The following FGF1 variants were observed in gnomAD, a reference collection of about 807,000 sequenced individuals.
FGF1 encodes beta-endothelial cell growth factor.
In FGF1, 9 loss-of-function variants were observed where a neutral mutation model predicts 13.4. The ratio of observed to expected loss-of-function variants is 0.67; its 90% CI spans 0.40 to 1.17. The LOEUF is 1.17. FGF1 is among the 50% of genes most tolerant of loss of function. The pLI is 0.01. For missense variants in FGF1, 156 were observed against 192.7 expected (o/e 0.81, Z 1.13); for synonymous variants, 93 against 79.0 (o/e 1.18, Z -0.94).
intron 2 of FGF1, among the ~76,000 whole-genome samples, chr5:142,609,632 T>G (rs1036978985): frequency 2.0e-5 from 3 of 152,204 alleles, no homozygotes; most frequent in Admixed American, 6.5e-5. Context: ...CACCCTCAGT[T>G]CTGCGAGCAA....
intron 2 of FGF1, among the ~76,000 whole-genome samples, chr5:142,610,228 T>A (rs1377260142): frequency 6.6e-6 from 1 of 152,208 alleles, no homozygotes; most frequent in African/African-American, 2.4e-5. Context: ...TATTGTTGAC[T>A]TTGAATTTAG....
At chr5:142,669,223 T>C (rs1239999653) in intron 1 of FGF1, among the ~76,000 whole-genome samples, 1 of 152,188 alleles carries the variant, frequency 6.6e-6, no homozygotes, top group East Asian at 1.9e-4. Context: ...AGAAGGGAAT[T>C]TGGAAATTCT....
At chr5:142,651,998 A>G (rs1597334428) in intron 1 of FGF1, among the ~76,000 whole-genome samples, 1 of 152,184 alleles carries the variant, frequency 6.6e-6, no homozygotes, top group Admixed American at 6.5e-5. Flanking sequence ...CATGCGCTCT[A>G]TTAAATGCCT....
intron 1 of FGF1, among the ~76,000 whole-genome samples, chr5:142,657,678 C>A (rs1362124799): frequency 6.6e-6 from 1 of 152,256 alleles, no homozygotes; most frequent in Non-Finnish European, 1.5e-5. Flanking sequence ...GCTGCGGCTG[C>A]GGCCGAGTGT....
chr5:142,678,587 A>T (rs371688778), intron 1 of FGF1, among the ~76,000 whole-genome samples: 19 of 151,866 alleles, frequency 1.3e-4, no homozygotes, highest in African/African-American at 4.1e-4. Flanking sequence ...GTCTCCACCC[A>T]TTCTCTCCCC....
At chr5:142,680,166 C>G (rs1040458260) in intron 1 of FGF1, 1 of 152,202 alleles carries the variant, frequency 6.6e-6, no homozygotes, top group Non-Finnish European at 1.5e-5. Context: ...AATAAGGTTG[C>G]ATTCTCGGGC....
At chr5:142,650,030 A>C (rs1462971510) in intron 1 of FGF1, among the ~76,000 whole-genome samples, 1 of 152,194 alleles carries the variant, frequency 6.6e-6, no homozygotes, top group Non-Finnish European at 1.5e-5. Flanking sequence ...GCCCCACCTC[A>C]GCTCTAGTGA....
chr5:142,695,262 T>A (rs969412723), intron 2 of FGF1, among the ~76,000 whole-genome samples: 1 of 152,178 alleles, frequency 6.6e-6, no homozygotes, highest in Non-Finnish European at 1.5e-5. Flanking sequence ...AGTTATTATA[T>A]TACTTCTAAA....
intron 1 of FGF1, among the ~76,000 whole-genome samples, chr5:142,626,077 T>G (rs1213655864): frequency 6.6e-6 from 1 of 152,244 alleles, no homozygotes; most frequent in African/African-American, 2.4e-5. Context: ...ATGACCCTTC[T>G]TGAACATTTA....
At chr5:142,629,930 G>A (rs1763095483) in intron 1 of FGF1, among the ~76,000 whole-genome samples, 1 of 138,514 alleles carries the variant, frequency 7.2e-6, no homozygotes, top group Non-Finnish European at 1.5e-5. Flanking sequence ...GTCTCGCTCT[G>A]TTGGCCAGGC....
rs947014111 is a variant in FGF1, at chr5:142,594,195, C to T, written c.*1095G>A. 3.3e-5 allele frequency: 5 copies of T among 152,156 alleles called. No individual in the cohort carries two copies. The highest frequency in any genetic ancestry group is 7.2e-5 in the African/African-American group (3 of 41,416). The allele number at this position is 152,156 out of a possible 1,614,324, so 9.4% of individuals were successfully genotyped here. On this transcript the variant is annotated 3_prime_UTR_variant, in exon 4 of 4. Coordinates refer to ENST00000337706, the MANE Select transcript of FGF1 (RefSeq NM_000800.5). ...TGAATAACTCTTTAGGACCAGGACC[C>T]TGCTCCTTAATGTATGGCGGGTAAG...
chr5:142,693,847 A>G (rs529284354), intron 2 of FGF1, among the ~76,000 whole-genome samples: 3 of 152,224 alleles, frequency 2.0e-5, no homozygotes, highest in Admixed American at 6.5e-5. Context: ...GAACATATCA[A>G]CATTTCTTTC....
chr5:142,689,722 A>G (rs1412616651), upstream of FGF1, among the ~76,000 whole-genome samples: 4 of 130,112 alleles, frequency 3.1e-5, no homozygotes, highest in Non-Finnish European at 6.4e-5. Context: ...TTTCTGAGAC[A>G]AGAGTCTCGC....
At chr5:142,630,158 C>T in intron 1 of FGF1, among the ~76,000 whole-genome samples, 1 of 152,078 alleles carries the variant, frequency 6.6e-6, no homozygotes, top group East Asian at 1.9e-4. Context: ...TCCCAAAGTG[C>T]TGGGATTACA....
At chr5:142,605,346 C>G (rs1011187041) in intron 2 of FGF1, among the ~76,000 whole-genome samples, 5 of 149,882 alleles carry the variant, frequency 3.3e-5, no homozygotes, top group African/African-American at 4.9e-5. Flanking sequence ...GTCTTAAACT[C>G]CTGACTTCAG....
chr5:142,653,966 C>T (rs1259732541), intron 1 of FGF1, among the ~76,000 whole-genome samples: 1 of 152,168 alleles, frequency 6.6e-6, no homozygotes, highest in Admixed American at 6.5e-5. Context: ...GTGGCGTGCA[C>T]CTGTAGTCCC....
intron 2 of FGF1, among the ~76,000 whole-genome samples, chr5:142,609,727 A>G (rs1485330775): frequency 6.6e-6 from 1 of 152,222 alleles, no homozygotes; most frequent in Non-Finnish European, 1.5e-5. Flanking sequence ...AATGATGATC[A>G]ATACCATTTT....
At chr5:142,682,789 C>A (rs1342282180) in intron 1 of FGF1, among the ~76,000 whole-genome samples, 2 of 152,206 alleles carry the variant, frequency 1.3e-5, no homozygotes, top group Non-Finnish European at 2.9e-5. Flanking sequence ...TGGGTTTAAA[C>A]CATGGTGTAT....
chr5:142,596,844 G>T (rs1192574841), intron 3 of FGF1, among the ~76,000 whole-genome samples: 1 of 151,978 alleles, frequency 6.6e-6, no homozygotes, highest in African/African-American at 2.4e-5. Context: ...CCACCACCCA[G>T]ATATAGGCAA....
Sources: gnomAD v4.1 joint callset for allele counts (sites outside exome capture counted in the v4.1 genomes callset) on GRCh38, gnomAD v4.1.1 for gene constraint, MANE v1.5 for transcripts, NCBI Gene and HGNC (gene_info 2026-07-23, HGNC 2026-07-21) for gene names.